The following PLEKHH2 variants were observed in gnomAD, a reference collection of about 807,000 sequenced individuals.
The protein encoded by PLEKHH2 is pleckstrin homology domain-containing family H member 2.
A neutral mutation model predicts 187.9 loss-of-function variants in PLEKHH2; 129 were observed. The observed-to-expected ratio is 0.69, with a 90% confidence interval of 0.59 to 0.79. PLEKHH2 has a LOEUF of 0.79. PLEKHH2 is among the 30% of genes least tolerant of loss of function. The probability of loss-of-function intolerance (pLI) is 0.00; values close to 1 mark genes in which losing one functional copy is unlikely to be tolerated. For synonymous variants in PLEKHH2, 686 were observed against 605.6 expected (o/e 1.13, Z -1.95); for missense variants, 2,076 against 1,751.2 (o/e 1.19, Z -3.31).
At chr2:43,648,132 G>A in intron 2 of PLEKHH2, among the ~76,000 whole-genome samples, 1 of 152,136 alleles carries the variant, frequency 6.6e-6, no homozygotes, top group East Asian at 1.9e-4. Context: ...TAGAGCGTCT[G>A]GCACACAGAA....
chr2:43,759,182 A>C (rs138479970), intron 27 of PLEKHH2, among the ~76,000 whole-genome samples, 153 bp downstream of exon 27: 6 of 152,376 alleles, frequency 3.9e-5, no homozygotes, highest in Admixed American at 1.3e-4. Context: ...GAGAAAGGGC[A>C]GAAAAGCTTC....
At chr2:43,685,222 T>G (rs1417431150) in intron 3 of PLEKHH2, among the ~76,000 whole-genome samples, 1 of 152,230 alleles carries the variant, frequency 6.6e-6, no homozygotes, top group Non-Finnish European at 1.5e-5. Context: ...CAAAAAGGAA[T>G]ATTTTGCCAC....
At chr2:43,677,776 T>C (rs7563987) in intron 2 of PLEKHH2, among the ~76,000 whole-genome samples, 103,933 of 146,368 alleles carry the variant, frequency 0.71, 37,747 homozygotes, top group African/African-American at 0.81. Flanking sequence ...TAGGGGTGGC[T>C]GGGCAGAGGC....
chr2:43,639,861 T>G (rs1703292006), intron 1 of PLEKHH2, among the ~76,000 whole-genome samples: 1 of 152,148 alleles, frequency 6.6e-6, no homozygotes, highest in African/African-American at 2.4e-5. Flanking sequence ...TTTGCCATGT[T>G]GGCCAGGCTT....
chr2:43,653,570 G>T (rs1666592586), intron 2 of PLEKHH2, among the ~76,000 whole-genome samples: 1 of 152,198 alleles, frequency 6.6e-6, no homozygotes, highest in African/African-American at 2.4e-5. Flanking sequence ...AACGAGGAAG[G>T]CATGGGATAT....
chr2:43,731,406 G>A lies in PLEKHH2; in HGVS notation c.2831-84G>A, dbSNP rs1572633806. ...AAAGTTGTGAGCCAAGCCTGAATGA[G>A]CTAATGTCTAAAGGATTAATTTAAT... is the stretch of plus-strand genomic sequence containing the variant. On this transcript the variant is annotated intron_variant, in intron 18 of 29. Transcript: ENST00000282406. 2.0e-5 allele frequency: 18 copies of A among 892,120 alleles called. No individual in the cohort carries two copies. The East Asian group carries it at 4.4e-4, about 22-fold the overall frequency. The allele number at this position is 892,120 out of a possible 1,614,324, so 55.3% of individuals were successfully genotyped here.
At position 43,729,738 on chromosome 2, in the gene PLEKHH2, G is replaced by A. The variant is rs1389722606; in HGVS notation, c.2823G>A (p.Gly941=). The A allele has an allele frequency of 6.3e-7, 1 of 1,592,338 alleles. No homozygotes were observed. The highest frequency in any genetic ancestry group is 8.6e-7 in the Non-Finnish European group (1 of 1,169,028). The change falls in exon 18 of 30, where the codon GGG becomes GGA. Residue 941 remains glycine (G), a synonymous_variant. Coordinates refer to ENST00000282406, the MANE Select transcript of PLEKHH2 (RefSeq NM_172069.4). ...QLVCKLLNID[G]EPSSQIWRHP... ...TTTGCAAATTGCTAAATATAGACGG[G>A]GAGCCTTGTAAGTTCATAAACATAT...
chr2:43,711,202 TA>T, intron 14 of PLEKHH2: 1 of 985,556 alleles, frequency 1.0e-6, no homozygotes, highest in Non-Finnish European at 1.2e-6. Flanking sequence ...ATGTCTTCAA[TA>T]ACCATTATTT....
At chr2:43,704,254 C>T (rs975653549) in intron 9 of PLEKHH2, among the ~76,000 whole-genome samples, 198 bp downstream of exon 9, 2 of 152,038 alleles carry the variant, frequency 1.3e-5, no homozygotes, top group Admixed American at 6.5e-5. Flanking sequence ...CGTGGAGAAG[C>T]GAATTTATTG....
intron 3 of PLEKHH2, among the ~76,000 whole-genome samples, chr2:43,682,739 C>A (rs13029811): frequency 0.57 from 86,798 of 152,000 alleles, 25,342 homozygotes; most frequent in Middle Eastern, 0.65. Context: ...TTCCCCCTCC[C>A]ACTAGCCCCT....
chr2:43,686,266 G>C (rs1668500709), intron 3 of PLEKHH2, among the ~76,000 whole-genome samples: 1 of 151,874 alleles, frequency 6.6e-6, no homozygotes, highest in Non-Finnish European at 1.5e-5. Context: ...GCATGATCCT[G>C]GCTCACCGCA....
chr2:43,757,316 G>C, intron 26 of PLEKHH2, 52 bp downstream of exon 26: 1 of 1,335,990 alleles, frequency 7.5e-7, no homozygotes, highest in African/African-American at 1.5e-5. Context: ...TAGTTTTTTG[G>C]TAATATTTTT....
At chr2:43,764,166 A>AT in intron 28 of PLEKHH2, 62 bp from the exon 29 acceptor site, 1 of 1,006,286 alleles carries the variant, frequency 9.9e-7, no homozygotes, top group Non-Finnish European at 1.4e-6. Context: ...ATTATTAATT[A>AT]TTTTCCATCT....
In PLEKHH2 at chr2:43,756,362, G is replaced by A. The variant is rs143925456; in HGVS notation, c.3796-757G>A. ...CCAGGCTGGGCAATGGCATGATCTCGGCTGACTGCAACCTCCGCCTCCTGG... is the reference window on the plus strand; with the variant it reads ...CCAGGCTGGGCAATGGCATGATCTCAGCTGACTGCAACCTCCGCCTCCTGG... On this transcript the variant is annotated intron_variant, in intron 25 of 29. Transcript: ENST00000282406. 7.3e-3 allele frequency among the ~76,000 whole-genome samples: 1,113 copies of A among 151,876 alleles called. 15 individuals are homozygous for A. Among genetic ancestry groups the A allele is most frequent in the African/African-American group, 0.025 (1,045 of 41,430 alleles).
chr2:43,716,478 T>G (rs1670215853), intron 15 of PLEKHH2, among the ~76,000 whole-genome samples: 1 of 152,210 alleles, frequency 6.6e-6, no homozygotes, highest in African/African-American at 2.4e-5. Context: ...TACCCAAGGA[T>G]AAATAGAAGG....
Position 43,710,519 on chromosome 2 carries a change from A to G in PLEKHH2, c.2245A>G (p.Ile749Val), listed in dbSNP as rs1330613378. 6.3e-7 allele frequency: 1 copy of G among 1,596,124 alleles called. No homozygotes were observed. The highest frequency in any genetic ancestry group is 1.8e-5 in the Admixed American group (1 of 55,240). The change falls in exon 14 of 30, where the codon ATT becomes GTT. Residue 749 changes from isoleucine (I) to valine (V), a missense_variant. Ile to Val is a conservative substitution (Grantham distance 29, BLOSUM62 3). Transcript: ENST00000282406. ...SDVIRKPQGHIELSASCSILR... is the reference protein window; with the variant it reads ...SDVIRKPQGHVELSASCSILR... ...TGTAATTAGAAAACCCCAGGGCCAT[A>G]TTGAACTTAGTGCATCCTGTAGTAT...
intron 15 of PLEKHH2, among the ~76,000 whole-genome samples, chr2:43,717,723 C>T (rs374346084): frequency 1.3e-5 from 2 of 152,180 alleles, no homozygotes; most frequent in East Asian, 3.9e-4. Flanking sequence ...GGCTCTGCCA[C>T]TTACCACCTG....
intron 8 of PLEKHH2, among the ~76,000 whole-genome samples, chr2:43,702,323 C>T (rs748353773): frequency 4.6e-5 from 7 of 152,064 alleles, no homozygotes; most frequent in Non-Finnish European, 7.4e-5. Context: ...ATTTCAATAT[C>T]CACATGAAAC....
intron 4 of PLEKHH2, among the ~76,000 whole-genome samples, chr2:43,693,124 A>G (rs1053680845): frequency 5.9e-5 from 9 of 151,700 alleles, no homozygotes; most frequent in Admixed American, 1.3e-4. Context: ...AAGAAGAGAA[A>G]GGGTTTTGCC....
Sources: gnomAD v4.1 joint callset for allele counts (sites outside exome capture counted in the v4.1 genomes callset) on GRCh38, gnomAD v4.1.1 for gene constraint, MANE v1.5 for transcripts, NCBI Gene and HGNC (gene_info 2026-07-23, HGNC 2026-07-21) for gene names.